Variants in EFCAB5 observed in about 807,000 individuals in gnomAD.
EFCAB5 encodes the protein EF-hand calcium binding domain 5.
Under a neutral mutation model 167.9 loss-of-function variants are expected in EFCAB5, and 131 were observed. The observed-to-expected ratio is 0.78, with a 90% confidence interval of 0.68 to 0.90. The LOEUF is 0.90. Ranked by LOEUF, EFCAB5 falls within the 40% of genes least tolerant of loss-of-function variation. EFCAB5 has a pLI of 0.00. For synonymous variants in EFCAB5, 574 were observed against 602.8 expected, an observed-to-expected ratio of 0.95 and a Z score of 0.70; for missense variants, 1,663 against 1,745.2, an observed-to-expected ratio of 0.95 and a Z score of 0.84.
rs952432471 is a variant in EFCAB5, at chr17:29,943,471, A to G, written c.106-94A>G. ...TAGGAATGTTTGGTTAACTCTTACAAAGCAATTAACTTTCCTTTAATTGGA... is the reference window on the plus strand; with the variant it reads ...TAGGAATGTTTGGTTAACTCTTACAGAGCAATTAACTTTCCTTTAATTGGA... On this transcript the variant is annotated intron_variant, in intron 2 of 22. Transcript: ENST00000394835. The G allele has an allele frequency of 4.6e-6, 5 of 1,096,706 alleles. No individual in the cohort carries two copies. In the Admixed American group the frequency reaches 9.7e-5, roughly 21 times the overall value. 67.9% of individuals were successfully genotyped at this position (1,096,706 alleles called of 1,614,324 possible). A position where few individuals can be genotyped will look rare whatever the true frequency, so the allele number is the denominator to read the frequency against.
intron 8 of EFCAB5, among the ~76,000 whole-genome samples, chr17:30,048,652 T>C (rs1254180829): frequency 6.6e-6 from 1 of 152,082 alleles, no homozygotes; most frequent in East Asian, 1.9e-4. Context: ...CATGCCTGGC[T>C]AATTTTTATA....
chr17:29,984,168 G>T (rs1271622531), intron 4 of EFCAB5, among the ~76,000 whole-genome samples: 1 of 151,562 alleles, frequency 6.6e-6, no homozygotes, highest in African/African-American at 2.4e-5. Flanking sequence ...AAAAGAGCTG[G>T]GTGAAAAACA....
chr17:30,050,755 T>A (rs766661296), intron 8 of EFCAB5, among the ~76,000 whole-genome samples: 4 of 152,202 alleles, frequency 2.6e-5, no homozygotes, highest in Admixed American at 6.5e-5. Flanking sequence ...AAAAATTTTT[T>A]AAAAATAACA....
At chr17:30,102,058 T>C (rs1473247826) in intron 22 of EFCAB5, among the ~76,000 whole-genome samples, 1 of 152,076 alleles carries the variant, frequency 6.6e-6, no homozygotes, top group African/African-American at 2.4e-5. Context: ...AAGGGAGGAA[T>C]TGGCTTAAGA....
At chr17:29,987,715 A>G (rs987518782) in intron 4 of EFCAB5, among the ~76,000 whole-genome samples, 6 of 152,214 alleles carry the variant, frequency 3.9e-5, no homozygotes, top group African/African-American at 1.4e-4. Flanking sequence ...GGGTATCAGT[A>G]ATGTGTTTAA....
At chr17:30,091,468 C>T (rs906757888) in intron 20 of EFCAB5, among the ~76,000 whole-genome samples, 1 of 152,156 alleles carries the variant, frequency 6.6e-6, no homozygotes, top group Admixed American at 6.5e-5. Flanking sequence ...CTATGTGTAA[C>T]GCCTGTAACT....
chr17:29,986,715 C>T (rs939975434), intron 4 of EFCAB5, among the ~76,000 whole-genome samples: 5 of 128,446 alleles, frequency 3.9e-5, no homozygotes, highest in African/African-American at 8.9e-5. Flanking sequence ...GGCGCAATCT[C>T]GGCTCACTGC....
intron 5 of EFCAB5, among the ~76,000 whole-genome samples, chr17:29,995,638 A>G (rs1336225010): frequency 1.3e-5 from 2 of 152,168 alleles, no homozygotes; most frequent in Admixed American, 6.5e-5. Flanking sequence ...AATTTTTTCA[A>G]CTTTAATTTT....
chr17:30,055,146 G>C lies in EFCAB5; in HGVS notation c.2195-742G>C, dbSNP rs960061448. On this transcript the variant is annotated intron_variant, in intron 10 of 22. Coordinates refer to ENST00000394835, the MANE Select transcript of EFCAB5 (RefSeq NM_198529.4). ...AACGCCATCTCAAAAAAAAAAATTA[G>C]CTGGCCATGGTGGCATGCAATTGTA... Among the ~76,000 whole-genome samples, 6 of 152,120 alleles carry C rather than the reference G, an allele frequency of 3.9e-5. No individual in the cohort carries two copies. The East Asian group carries it at 9.7e-4, about 25-fold the overall frequency.
intron 7 of EFCAB5, among the ~76,000 whole-genome samples, chr17:30,022,916 G>C (rs1261065872): frequency 1.3e-5 from 2 of 152,128 alleles, no homozygotes; most frequent in African/African-American, 4.8e-5. Context: ...TGAACAACTT[G>C]CTCCTGAATG....
At chr17:30,067,521 A>G (rs2070607300) in intron 14 of EFCAB5, among the ~76,000 whole-genome samples, 1 of 152,050 alleles carries the variant, frequency 6.6e-6, no homozygotes, top group South Asian at 2.1e-4. Context: ...TTATCCCAAT[A>G]ATGCAAAGAT....
chr17:30,082,941 G>A lies in EFCAB5; in HGVS notation c.3477G>A (p.Glu1159=). 2 of 1,613,932 alleles carry A rather than the reference G, an allele frequency of 1.2e-6. No individual in the cohort carries two copies. The highest frequency in any genetic ancestry group is 1.7e-6 in the Non-Finnish European group (2 of 1,179,886). ...STAYHYVHSR[E]HILHIVITGI... Reference sequence around the variant, plus strand: ...CCTATCACTACGTCCACAGCCGGGAGCACATTCTGCATATTGTGATCACTG... The same window carrying A: ...CCTATCACTACGTCCACAGCCGGGAACACATTCTGCATATTGTGATCACTG... The change falls in exon 18 of 23, where the codon GAG becomes GAA. Residue 1159 remains glutamate (E), a synonymous_variant. Coordinates refer to ENST00000394835, the MANE Select transcript of EFCAB5 (RefSeq NM_198529.4).
chr17:29,980,404 T>A (rs1194393123), intron 4 of EFCAB5, among the ~76,000 whole-genome samples: 1 of 152,256 alleles, frequency 6.6e-6, no homozygotes, highest in Non-Finnish European at 1.5e-5. Flanking sequence ...ACACATTTTT[T>A]AACCTGTTAC....
At chr17:29,943,794 T>C (rs2067340997) in intron 3 of EFCAB5, 145 bp downstream of exon 3, 3 of 503,588 alleles carry the variant, frequency 6.0e-6, no homozygotes, top group Admixed American at 3.7e-5. Flanking sequence ...GCCAACATGG[T>C]GAAACACCAT....
chr17:30,083,680 C>G (rs988446388), intron 18 of EFCAB5, among the ~76,000 whole-genome samples: 1 of 152,178 alleles, frequency 6.6e-6, no homozygotes, highest in Non-Finnish European at 1.5e-5. Flanking sequence ...TCTTGAACTC[C>G]CGACCTCAGA....
At position 29,991,199 on chromosome 17, in the gene EFCAB5, C is replaced by T. The variant is rs548676752; in HGVS notation, c.768-1966C>T. On this transcript the variant is annotated intron_variant, in intron 4 of 22. Transcript: ENST00000394835. ...TCCTCCAGCTTAGTTCCACATTCTC[C>T]GACTGTCACTCCAGTGACCCTTCGA... 7.9e-5 allele frequency among the ~76,000 whole-genome samples: 12 copies of T among 152,250 alleles called. No homozygotes were observed. The East Asian group carries it at 1.7e-3, about 22-fold the overall frequency.
intron 7 of EFCAB5, among the ~76,000 whole-genome samples, chr17:30,029,803 C>T (rs78335726): frequency 0.016 from 2,362 of 152,224 alleles, 23 homozygotes; most frequent in Middle Eastern, 0.061. Context: ...TTATATCACC[C>T]ACTTCATCAA....
At chr17:29,952,741 A>G (rs1054473280) in intron 3 of EFCAB5, among the ~76,000 whole-genome samples, 4 of 152,160 alleles carry the variant, frequency 2.6e-5, no homozygotes, top group Admixed American at 6.5e-5. Flanking sequence ...GAAATGATAA[A>G]CATGAAATTC....
intron 4 of EFCAB5, among the ~76,000 whole-genome samples, chr17:29,976,486 A>G (rs924043013): frequency 6.6e-6 from 1 of 152,216 alleles, no homozygotes; most frequent in African/African-American, 2.4e-5. Context: ...AGGCATTTGT[A>G]GAATATTCAG....
Sources: allele counts gnomAD v4.1 joint callset (sites outside exome capture counted in the v4.1 genomes callset), GRCh38; gene constraint gnomAD v4.1.1; transcripts MANE v1.5; gene names NCBI Gene and HGNC (gene_info 2026-07-23, HGNC 2026-07-21).